Variants in TTN observed in about 807,000 individuals in gnomAD.
The protein encoded by TTN is connectin.
TTN carries 1,525 observed loss-of-function variants against 3,223.0 expected under a neutral mutation model. That is an observed-to-expected ratio of 0.47 (90% CI 0.45 to 0.49). TTN has a LOEUF of 0.49. Among genes scored for constraint, TTN ranks in the 20% least tolerant of loss-of-function variants. The pLI, the probability that TTN is intolerant of heterozygous loss-of-function variation, is 0.00. For synonymous variants in TTN, 14,094 were observed against 15,161.0 expected (o/e 0.93, Z 5.17); for missense variants, 40,786 against 43,424.0 (o/e 0.94, Z 5.40).
chr2:178,711,138 G>A lies in TTN; in HGVS notation c.28098C>T (p.Ser9366=), dbSNP rs374930292. Residue 9366 remains serine, a synonymous_variant, in exon 97 of 363, where the codon AGC becomes AGT. Coordinates refer to ENST00000589042, the MANE Select transcript of TTN (RefSeq NM_001267550.2). Reference sequence around the variant, plus strand: ...CTGTGCAGGAATACTGGCCTGCAAGGCTCCGGTCAGTTTTAAAAATATTGA... The same window carrying A: ...CTGTGCAGGAATACTGGCCTGCAAGACTCCGGTCAGTTTTAAAAATATTGA... ...ATLNIFKTDR[S]LAGQYSCTAT... 1 of 1,613,856 alleles carries A rather than the reference G, an allele frequency of 6.2e-7. No homozygotes were observed. Among genetic ancestry groups the A allele is most frequent in the East Asian group, 2.2e-5 (1 of 44,890 alleles).
intron 321 of TTN, 31 bp from the exon 322 acceptor site, chr2:178,578,216 A>G (rs72646879): frequency 4.6e-5 from 72 of 1,576,904 alleles, no homozygotes; most frequent in Non-Finnish European, 5.8e-5. Context: ...TATCAAGTAT[A>G]AATGCAGCTT....
Position 178,666,844 on chromosome 2 carries a change from C to T in TTN, c.35855G>A (p.Arg11952Lys), listed in dbSNP as rs534569405. The T allele has an allele frequency of 8.9e-6, 14 of 1,571,214 alleles. No individual in the cohort carries two copies. The African/African-American group carries it at 9.4e-5, about 11-fold the overall frequency. Reference protein sequence around the residue: ...PEGETPIVKRRKTPSPTVPES... With the variant: ...PEGETPIVKRKKTPSPTVPES... ...TGTACCTGTTGGTGATGGTGTTTTT[C>T]TTCTTTTAACAATAGGAGTTTCTCC... The change falls in exon 163 of 363, where the codon AGA becomes AAA. Residue 11952 changes from arginine (R) to lysine (K), a missense_variant. Transcript: ENST00000589042.
rs1336740450 is a variant in TTN, at chr2:178,712,939, T to C, written c.27086A>G (p.Asp9029Gly). 2.5e-6 allele frequency: 4 copies of C among 1,612,954 alleles called. No individual in the cohort carries two copies. In the African/African-American group the frequency reaches 4.0e-5, roughly 16 times the overall value. Residue 9029 changes from aspartate (D) to glycine (G), a missense_variant, in exon 94 of 363, where the codon GAT becomes GGT. Transcript: ENST00000589042. ...AGTTACATTGGTCCCAGTTAAAACA[T>C]CCATGGGATCAGGTTTCTGAACAAA... Reference protein sequence around the residue: ...PSFVQKPDPMDVLTGTNVTFT... With the variant: ...PSFVQKPDPMGVLTGTNVTFT...
In TTN at chr2:178,611,062, C is replaced by G; in HGVS notation, c.51067G>C (p.Gly17023Arg). 1 of 1,612,800 alleles carries G rather than the reference C, an allele frequency of 6.2e-7. No individual in the cohort carries two copies. ...TTCTCCAGTGTAATGGTATAAATTCCGGCATCTGCACGGACACTCTTGGGA... is the reference window on the plus strand; with the variant it reads ...TTCTCCAGTGTAATGGTATAAATTCGGGCATCTGCACGGACACTCTTGGGA... ...EVPKSVRADA[G>R]IYTITLENKL... is the part of the protein sequence containing the mutation. The change falls in exon 270 of 363, where the codon GGA becomes CGA. Residue 17023 changes from glycine to arginine, a missense_variant. Coordinates refer to ENST00000589042, the MANE Select transcript of TTN (RefSeq NM_001267550.2).
rs1387260088 is a variant in TTN at position 178,535,206 on chromosome 2, G to A, written c.101409C>T (p.Ser33803=). 46 of 1,613,764 alleles carry A rather than the reference G, an allele frequency of 2.9e-5. No homozygotes were observed. The East Asian group carries it at 1.0e-3, about 36-fold the overall frequency. Residue 33803 remains serine (S), a synonymous_variant, in exon 358 of 363, where the codon TCC becomes TCT. Transcript: ENST00000589042. The stretch of plus-strand genomic sequence containing the variant: ...TTGAAGAGTGAGATGCTTTAGTCAT[G>A]GAGACTTCCCTGGTTTCATCTACCT... ...DEEVDETREV[S]MTKASHSSTK...
intron 6 of TTN, chr2:178,798,925 T>C (rs2093908495): frequency 6.4e-6 from 1 of 155,940 alleles, no homozygotes; most frequent in African/African-American, 2.4e-5. Context: ...GTGCCATATT[T>C]TGGCCCCTAA....
At position 178,594,198 on chromosome 2, in the gene TTN, G is replaced by A. The variant is rs768073446; in HGVS notation, c.58195C>T (p.Arg19399Ter). The change falls in exon 297 of 363, where the codon CGA (arginine) becomes TGA (stop). Residue 19399 changes from arginine to a stop codon, truncating the protein, a stop_gained. Coordinates refer to ENST00000589042, the MANE Select transcript of TTN (RefSeq NM_001267550.2). LOFTEE classifies it high-confidence loss of function. The stretch of plus-strand genomic sequence containing the variant: ...GTGAGGGCAAAAGCTTCACCAACTC[G>A]AATCGTGAGCTTATCTCTGAAGTCG... ...HLDFRDKLTI[R>*]VGEAFALTGR... is the part of the protein sequence containing the mutation. The A allele has an allele frequency of 1.9e-6, 3 of 1,613,346 alleles. No individual in the cohort carries two copies. The highest frequency in any genetic ancestry group is 2.2e-5 in the East Asian group (1 of 44,668).
intron 21 of TTN, among the ~76,000 whole-genome samples, chr2:178,780,570 G>A (rs1282527990): frequency 6.6e-6 from 1 of 152,250 alleles, no homozygotes; most frequent in Admixed American, 6.5e-5. Flanking sequence ...AAGGGATACT[G>A]TGTAGGTCAA....
Position 178,733,077 on chromosome 2 carries a change from C to A in TTN, c.16099G>T (p.Asp5367Tyr), listed in dbSNP as rs1438312782. 1.9e-6 allele frequency: 3 copies of A among 1,607,826 alleles called. No individual in the cohort carries two copies. The highest frequency in any genetic ancestry group is 2.6e-6 in the Non-Finnish European group (3 of 1,176,288). The change falls in exon 55 of 363, where the codon GAT becomes TAT. Residue 5367 changes from aspartate to tyrosine, a missense_variant. Asp to Tyr is a radical substitution (Grantham distance 160). Transcript: ENST00000589042. ...CTGCAGGTACCATTAACAACACTAT[C>A]CACGTTGCGCAAGGGTTTGGTAAAA... Reference protein sequence around the residue: ...PFFTKPLRNVDSVVNGTCRLD... With the variant: ...PFFTKPLRNVYSVVNGTCRLD...
At position 178,671,116 on chromosome 2, in the gene TTN, A is replaced by G; in HGVS notation, c.35282T>C (p.Val11761Ala). ...TTTAGCTGGTGGCTCTTTTCGAGGA[A>G]CAACTTTAGTGGGCGGTTTTTTTGG... ...IPPKKPPTKV[V>A]PRKEPPAKVP... Residue 11761 changes from valine to alanine, a missense_variant, in exon 156 of 363, where the codon GTT (valine) becomes GCT (alanine). Val to Ala is a moderately conservative substitution (Grantham distance 64, BLOSUM62 0). Coordinates refer to ENST00000589042, the MANE Select transcript of TTN (RefSeq NM_001267550.2). 3.1e-6 allele frequency: 5 copies of G among 1,605,760 alleles called. No homozygotes were observed. The highest frequency in any genetic ancestry group is 1.3e-5 in the African/African-American group (1 of 74,400).
At chr2:178,556,676 T>G (rs887535469) in intron 330 of TTN, 172 bp downstream of exon 330, 30 of 709,588 alleles carry the variant, frequency 4.2e-5, no homozygotes, top group South Asian at 1.7e-4. Context: ...TCAAGAGGGC[T>G]GGAAAGGTAT....
chr2:178,582,632 G>C, intron 313 of TTN, 40 bp from the exon 314 acceptor site: 1 of 1,562,052 alleles, frequency 6.4e-7, no homozygotes, highest in Non-Finnish European at 8.7e-7. Context: ...GTGGAATGGG[G>C]AATGAGTATA....
rs2093666509 is a variant in TTN, at chr2:178,794,437, T to TG, written c.1359_1360insC (p.Thr454HisfsTer25). ...GGTTGGATGTGCACAGCAGTCGTGGTTGTCCTCTGAGCAGTCTGCTCTACA... is the reference window on the plus strand; with the variant it reads ...GGTTGGATGTGCACAGCAGTCGTGGTGTGTCCTCTGAGCAGTCTGCTCTACA... On this transcript the variant is annotated frameshift_variant, in exon 8 of 363. Transcript: ENST00000589042. LOFTEE classifies it high-confidence loss of function. The TG allele has an allele frequency of 6.8e-6, 11 of 1,614,074 alleles. No homozygotes were observed. Among genetic ancestry groups the TG allele is most frequent in the Non-Finnish European group, 9.3e-6 (11 of 1,180,018 alleles).
In TTN at chr2:178,758,992, C is replaced by T. The variant is rs1392831001; in HGVS notation, c.10295G>A (p.Ser3432Asn). The change falls in exon 44 of 363, where the codon AGT becomes AAT. Residue 3432 changes from serine to asparagine, a missense_variant. Transcript: ENST00000589042. ...VGQVSSTANLSLEGFSKFEEN... is the reference protein window; with the variant it reads ...VGQVSSTANLNLEGFSKFEEN... ...AAGTTGTTTTACTTTACCTTCCAGA[C>T]TCAGGTTGGCTGTGCTTGATACTTG... is the stretch of plus-strand genomic sequence containing the variant. The T allele has an allele frequency of 1.9e-6, 3 of 1,614,006 alleles. No individual in the cohort carries two copies. The highest frequency in any genetic ancestry group is 1.7e-6 in the Non-Finnish European group (2 of 1,179,932).
Position 178,727,649 on chromosome 2 carries a change from C to T in TTN, c.19929G>A (p.Gln6643=). The change falls in exon 68 of 363, where the codon CAG becomes CAA. Residue 6643 remains glutamine, a synonymous_variant. Transcript: ENST00000589042. ...LYSVDASKTG[Q]YTCHVTNDVG... ...CATCATTGGTAACATGGCAAGTATA[C>T]TGTCCAGTCTTAGAAGCATCCACTG... is the stretch of plus-strand genomic sequence containing the variant. 1.2e-6 allele frequency: 2 copies of T among 1,610,528 alleles called. No homozygotes were observed. The highest frequency in any genetic ancestry group is 1.7e-6 in the Non-Finnish European group (2 of 1,178,472).
intron 180 of TTN, among the ~76,000 whole-genome samples, chr2:178,661,530 TG>T (rs1239941900): frequency 5.1e-3 from 115 of 22,560 alleles, no homozygotes; most frequent in Non-Finnish European, 9.3e-3. Context: ...TGTTGTGAGG[TG>T]GGGGGATGGG....
At position 178,632,582 on chromosome 2, in the gene TTN, G is replaced by C; in HGVS notation, c.43424C>G (p.Ala14475Gly). ...VIKSAAFEDE[A>G]KYMFEAEDKH... ...ATCTTCAGCTTCAAACATGTATTTTGCTTCATCTTCAAAAGCAGCTGACTT... is the reference window on the plus strand; with the variant it reads ...ATCTTCAGCTTCAAACATGTATTTTCCTTCATCTTCAAAAGCAGCTGACTT... Residue 14475 changes from alanine to glycine, a missense_variant, in exon 235 of 363, where the codon GCA (alanine) becomes GGA (glycine). Physicochemically the swap from Ala to Gly is moderately conservative, Grantham distance 60 (BLOSUM62 0). Transcript: ENST00000589042. 8.7e-6 allele frequency: 14 copies of C among 1,613,214 alleles called. No homozygotes were observed. Among genetic ancestry groups the C allele is most frequent in the Non-Finnish European group, 1.2e-5 (14 of 1,179,504 alleles).
In TTN at chr2:178,684,417, A is replaced by G. The variant is rs2154274688; in HGVS notation, c.32639-4T>C. 1 of 1,613,208 alleles carries G rather than the reference A, an allele frequency of 6.2e-7. No individual in the cohort carries two copies. The highest frequency in any genetic ancestry group is 8.5e-7 in the Non-Finnish European group (1 of 1,179,440). On this transcript the variant is annotated splice_region_variant and splice_polypyrimidine_tract_variant and intron_variant, in intron 131 of 362. Transcript: ENST00000589042. ...ATTTGCATGTGCCTCTCAGTCACTTAAAAGATAATTTTAGGATTAGGGAGT... is the reference window on the plus strand; with the variant it reads ...ATTTGCATGTGCCTCTCAGTCACTTGAAAGATAATTTTAGGATTAGGGAGT...
intron 275 of TTN, 26 bp downstream of exon 275, chr2:178,608,152 C>T (rs1201851987): frequency 6.2e-7 from 1 of 1,600,384 alleles, no homozygotes. Context: ...TGTTCTACTC[C>T]ACCTTCTTCT....
Sources: allele counts gnomAD v4.1 joint callset (sites outside exome capture counted in the v4.1 genomes callset), GRCh38; gene constraint gnomAD v4.1.1; transcripts MANE v1.5; gene names NCBI Gene and HGNC (gene_info 2026-07-23, HGNC 2026-07-21).